KIAA2012: variants seen among roughly 807,000 people sequenced by gnomAD.
KIAA2012 encodes KIAA2012, also known as uncharacterized protein KIAA2012.
Under a neutral mutation model 150.6 loss-of-function variants are expected in KIAA2012, and 125 were observed. The observed-to-expected ratio is 0.83, with a 90% CI of 0.72 to 0.96. The LOEUF (loss-of-function observed/expected upper bound fraction) is 0.96, where lower values mean the gene tolerates loss of function less well. Among genes scored for constraint, KIAA2012 ranks in the 40% least tolerant of loss-of-function variants. The probability of loss-of-function intolerance (pLI) is 0.00; values close to 1 mark genes in which losing one functional copy is unlikely to be tolerated. For missense variants in KIAA2012, 1,219 were observed against 1,354.9 expected, an observed-to-expected ratio of 0.90 and a Z score of 1.57; for synonymous variants, 462 against 504.7, an observed-to-expected ratio of 0.92 and a Z score of 1.13.
intron 23 of KIAA2012, among the ~76,000 whole-genome samples, chr2:202,203,511 T>C (rs1574322163): frequency 6.6e-6 from 1 of 152,210 alleles, no homozygotes; most frequent in Non-Finnish European, 1.5e-5. Context: ...ACCAGCCGCA[T>C]GTAGCTATTT....
At chr2:202,131,639 T>C (rs1432305840) in intron 12 of KIAA2012, among the ~76,000 whole-genome samples, 1 of 152,184 alleles carries the variant, frequency 6.6e-6, no homozygotes, top group Admixed American at 6.5e-5. Flanking sequence ...GCCTGGAGGT[T>C]GAGAAGGCTT....
At chr2:202,111,584 C>T (rs535206511) in intron 10 of KIAA2012, among the ~76,000 whole-genome samples, 5 of 150,836 alleles carry the variant, frequency 3.3e-5, no homozygotes, top group African/African-American at 1.2e-4. Context: ...AGCCTGAAGC[C>T]TCAAGTATGT....
chr2:202,201,577 C>T lies in KIAA2012; in HGVS notation c.3408-852C>T, dbSNP rs1304863432. On this transcript the variant is annotated intron_variant, in intron 22 of 23. Transcript: ENST00000498697. The stretch of plus-strand genomic sequence containing the variant: ...GCATCATACCCGCCTTCCACCAGCA[C>T]TGTGGAGCCAGGTGGATAGATGGGA... 5 of 1,609,838 alleles carry T rather than the reference C, an allele frequency of 3.1e-6. No individual in the cohort carries two copies. The African/African-American group carries it at 5.3e-5, about 17-fold the overall frequency.
chr2:202,117,532 C>T (rs1459701151), intron 11 of KIAA2012, among the ~76,000 whole-genome samples: 3 of 152,144 alleles, frequency 2.0e-5, no homozygotes, highest in African/African-American at 7.2e-5. Flanking sequence ...TTGATAAGGC[C>T]ATGTGAGGAA....
intron 12 of KIAA2012, among the ~76,000 whole-genome samples, chr2:202,132,124 C>T (rs577083844): frequency 2.7e-3 from 413 of 152,072 alleles, no homozygotes; most frequent in African/African-American, 9.2e-3. Context: ...TGTGGTGAGC[C>T]GAGATCATGC....
intron 12 of KIAA2012, among the ~76,000 whole-genome samples, chr2:202,131,930 C>T (rs572399151): frequency 3.5e-4 from 54 of 152,242 alleles, no homozygotes; most frequent in Middle Eastern, 6.8e-3. Context: ...AATCCTGGCA[C>T]TTTGGGAGGC....
intron 23 of KIAA2012, 122 bp downstream of exon 23, chr2:202,202,709 C>T: frequency 2.6e-6 from 1 of 388,652 alleles, no homozygotes; most frequent in Non-Finnish European, 4.5e-6. Context: ...GGGAGGCTTG[C>T]TTGAGGTCAG....
chr2:202,106,819 G>C (rs900788423), intron 9 of KIAA2012, among the ~76,000 whole-genome samples: 1 of 152,154 alleles, frequency 6.6e-6, no homozygotes, highest in African/African-American at 2.4e-5. Flanking sequence ...GTGTTGGATA[G>C]GTTGGAAGTA....
At position 202,104,657 on chromosome 2, in the gene KIAA2012, GA is replaced by G. The variant is rs1690134634; in HGVS notation, c.1325-1103del. Among the ~76,000 whole-genome samples the G allele has an allele frequency of 6.6e-6, 1 of 152,254 alleles. No homozygotes were observed. The highest frequency in any genetic ancestry group is 2.1e-4 in the South Asian group (1 of 4,830). ...GGCCCTCTGATAATTACAGCAGGCAGATAGTAGCCTGGGAATGTTAAGAGTT... is the reference window on the plus strand; with the variant it reads ...GGCCCTCTGATAATTACAGCAGGCAGTAGTAGCCTGGGAATGTTAAGAGTT... On this transcript the variant is annotated intron_variant, in intron 8 of 23. Coordinates refer to ENST00000498697, the MANE Select transcript of KIAA2012 (RefSeq NM_001277372.4). This position sits in a 1 kb window ranked among gnomAD's most constrained non-coding sequence, Gnocchi z 4.3.
chr2:202,101,342 G>T lies in KIAA2012; in HGVS notation c.1155+893G>T, dbSNP rs566546140. Among the ~76,000 whole-genome samples, 67 of 152,312 alleles carry T rather than the reference G, an allele frequency of 4.4e-4. No individual in the cohort carries two copies. The South Asian group carries it at 0.013, about 31-fold the overall frequency. Reference sequence around the variant, plus strand: ...TTCTCAGATTTCCTGTGTCTGAGTTGATCTAAACCTTTCCATCCACACCAG... The same window carrying T: ...TTCTCAGATTTCCTGTGTCTGAGTTTATCTAAACCTTTCCATCCACACCAG... On this transcript the variant is annotated intron_variant, in intron 7 of 23. Coordinates refer to ENST00000498697, the MANE Select transcript of KIAA2012 (RefSeq NM_001277372.4).
Position 202,093,175 on chromosome 2 carries a change from T to G in KIAA2012, c.675T>G (p.Ser225=), listed in dbSNP as rs1265116768. 1 of 1,551,184 alleles carries G rather than the reference T, an allele frequency of 6.4e-7. No individual in the cohort carries two copies. The highest frequency in any genetic ancestry group is 2.4e-5 in the East Asian group (1 of 40,926). ...CATTTTGGATTCAACAAGGAAAATC[T>G]TTTGAACAACGTACGTGTTGATTTA... is the stretch of plus-strand genomic sequence containing the variant. ...FPSFWIQQGK[S]FEQRQQGLDE... is the part of the protein sequence containing the mutation. Residue 225 remains serine, a synonymous_variant, in exon 4 of 24, where the codon TCT becomes TCG. Coordinates refer to ENST00000498697, the MANE Select transcript of KIAA2012 (RefSeq NM_001277372.4).
chr2:202,131,441 T>A (rs1467039191), intron 12 of KIAA2012, among the ~76,000 whole-genome samples: 1 of 152,246 alleles, frequency 6.6e-6, no homozygotes, highest in African/African-American at 2.4e-5. Flanking sequence ...GGGCCCAGTC[T>A]GTGAGTATGT....
At chr2:202,189,611 C>T (rs529976411) in intron 18 of KIAA2012, among the ~76,000 whole-genome samples, 276 of 152,028 alleles carry the variant, frequency 1.8e-3, no homozygotes, top group Non-Finnish European at 3.5e-3. Context: ...TATTTAATAG[C>T]AAGACTGCTG....
chr2:202,184,637 C>A, intron 15 of KIAA2012, 116 bp from the exon 16 acceptor site: 1 of 616,618 alleles, frequency 1.6e-6, no homozygotes, highest in Non-Finnish European at 2.7e-6. Context: ...TAGCATACGT[C>A]ATTGTTCTAA....
chr2:202,150,543 G>T (rs1369906220), intron 13 of KIAA2012, among the ~76,000 whole-genome samples: 1 of 152,026 alleles, frequency 6.6e-6, no homozygotes, highest in Admixed American at 6.5e-5. Context: ...TCACCTCCTG[G>T]GTTCAGGCAA....
At position 202,201,720 on chromosome 2, in the gene KIAA2012, C is replaced by T; in HGVS notation, c.3408-709C>T. 6 of 1,536,098 alleles carry T rather than the reference C, an allele frequency of 3.9e-6. No individual in the cohort carries two copies. The South Asian group carries it at 6.7e-5, about 17-fold the overall frequency. On this transcript the variant is annotated intron_variant, in intron 22 of 23. Coordinates refer to ENST00000498697, the MANE Select transcript of KIAA2012 (RefSeq NM_001277372.4). ...GCGGCCGACATGGTGGGGACTGTGG[C>T]AGCCCCTGGGGTGCACAAAGCTTGG...
intron 2 of KIAA2012, among the ~76,000 whole-genome samples, chr2:202,083,344 C>T (rs1457765739): frequency 6.6e-6 from 1 of 152,358 alleles, no homozygotes; most frequent in Admixed American, 6.5e-5. Flanking sequence ...TTTCCAGGCA[C>T]AGCTGCAAGT....
At chr2:202,160,573 A>G (rs1691633095) in intron 14 of KIAA2012, among the ~76,000 whole-genome samples, 1 of 152,098 alleles carries the variant, frequency 6.6e-6, no homozygotes, top group Non-Finnish European at 1.5e-5. Flanking sequence ...TTGGCCTCCC[A>G]AAGTGCTGGG....
At chr2:202,106,184 A>G (rs999202293) in intron 9 of KIAA2012, among the ~76,000 whole-genome samples, 2 of 151,940 alleles carry the variant, frequency 1.3e-5, no homozygotes, top group African/African-American at 4.8e-5. Flanking sequence ...CTTACCCCCT[A>G]ACTCATCCCA....
Sources: gnomAD v4.1 joint callset for allele counts (sites outside exome capture counted in the v4.1 genomes callset) on GRCh38, gnomAD v4.1.1 for gene constraint, Gnocchi (gnomAD v3.1) non-coding constraint, MANE v1.5 for transcripts, NCBI Gene and HGNC (gene_info 2026-07-23, HGNC 2026-07-21) for gene names.